ABCA7: variants seen among roughly 807,000 people sequenced by gnomAD.
ABCA7 encodes ATP binding cassette subfamily A member 7, also known as phospholipid-transporting ATPase ABCA7.
A neutral mutation model predicts 227.6 loss-of-function variants in ABCA7; 261 were observed. The ratio of observed to expected loss-of-function variants is 1.15; its 90% CI spans 1.04 to 1.27. The LOEUF (loss-of-function observed/expected upper bound fraction) is 1.27, where lower values mean the gene tolerates loss of function less well. Ranked by LOEUF, ABCA7 falls within the 50% of genes most tolerant of loss-of-function variation. The probability of loss-of-function intolerance (pLI) is 0.00; values close to 1 mark genes in which losing one functional copy is unlikely to be tolerated. For missense variants in ABCA7, 3,331 were observed against 2,924.5 expected (o/e 1.14, Z -3.21); for synonymous variants, 1,488 against 1,279.7 (o/e 1.16, Z -3.47).
At position 1,046,354 on chromosome 19, in the gene ABCA7, C is replaced by T. The variant is rs199519231; in HGVS notation, c.1570C>T (p.Arg524Trp). 6.9e-5 allele frequency: 110 copies of T among 1,597,438 alleles called. No individual in the cohort carries two copies. In the East Asian group the frequency reaches 1.8e-3, roughly 26 times the overall value. The change falls in exon 13 of 47, where the codon CGG (arginine) becomes TGG (tryptophan). Residue 524 changes from arginine (R) to tryptophan (W), a missense_variant. Physicochemically the swap from Arg to Trp is moderately radical, Grantham distance 101. Coordinates refer to ENST00000263094, the MANE Select transcript of ABCA7 (RefSeq NM_019112.4). ...CCGCGTGCTCAGCGGCGCCAACCCC[C>T]GGGCCGGCCTCTACCTGCAGCAGAT... ...AVRVLSGANP[R>W]AGLYLQQMPY... is the part of the protein sequence containing the mutation.
In ABCA7 at chr19:1,045,131, C is replaced by G. The variant is rs1414585253; in HGVS notation, c.1345C>G (p.Pro449Ala). The stretch of plus-strand genomic sequence containing the variant: ...CTTGGGACCTGAGGACTCTTCAGAC[C>G]CCACAGAGCACCCAACCCCAGACCT... The part of the protein sequence containing the change: ...VFLGPEDSSD[P>A]TEHPTPDLGP... The change falls in exon 12 of 47, where the codon CCC becomes GCC. Residue 449 changes from proline to alanine, a missense_variant. Transcript: ENST00000263094. 1 of 1,612,950 alleles carries G rather than the reference C, an allele frequency of 6.2e-7. No homozygotes were observed. Among genetic ancestry groups the G allele is most frequent in the Admixed American group, 1.7e-5 (1 of 60,012 alleles).
intron 15 of ABCA7, 26 bp downstream of exon 15, chr19:1,047,404 G>A (rs1372669286): frequency 1.3e-6 from 2 of 1,550,298 alleles, no homozygotes; most frequent in South Asian, 1.2e-5. Context: ...GGCGTGGATG[G>A]GGGACGCCCC....
Position 1,051,446 on chromosome 19 carries a change from C to A in ABCA7, c.2825-3C>A, listed in dbSNP as rs569792541. On this transcript the variant is annotated splice_region_variant and splice_polypyrimidine_tract_variant and intron_variant, in intron 20 of 46. Coordinates refer to ENST00000263094, the MANE Select transcript of ABCA7 (RefSeq NM_019112.4). ...ACTGAGGTCCCTTCCCCATCTCTAC[C>A]AGGTGGGATGCAACGGAAGCTGTCC... is the stretch of plus-strand genomic sequence containing the variant. 8 of 1,611,378 alleles carry A rather than the reference C, an allele frequency of 5.0e-6. No individual in the cohort carries two copies. In the Admixed American group the frequency reaches 1.2e-4, roughly 24 times the overall value.
At position 1,057,846 on chromosome 19, in the gene ABCA7, G is replaced by A; in HGVS notation, c.4881-69G>A. 3 of 1,562,248 alleles carry A rather than the reference G, an allele frequency of 1.9e-6. No homozygotes were observed. In the South Asian group the frequency reaches 3.5e-5, roughly 18 times the overall value. On this transcript the variant is annotated intron_variant, in intron 35 of 46. Coordinates refer to ENST00000263094, the MANE Select transcript of ABCA7 (RefSeq NM_019112.4). ...GTCTAAGGCAGAGAAGATGGGAATG[G>A]AGATTTTTATTCCTCTCAGGGCTTC...
intron 17 of ABCA7, 44 bp from the exon 18 acceptor site, chr19:1,049,222 G>A (rs770375555): frequency 5.8e-6 from 9 of 1,551,766 alleles, no homozygotes; most frequent in Middle Eastern, 1.8e-4. Flanking sequence ...GCAGGCCCCA[G>A]GACCCCCATG....
chr19:1,051,978 A>G lies in ABCA7; in HGVS notation c.2999A>G (p.Glu1000Gly). The change falls in exon 22 of 47, where the codon GAG (glutamate) becomes GGG (glycine). Residue 1000 changes from glutamate to glycine, a missense_variant. Physicochemically the swap from Glu to Gly is moderately conservative, Grantham distance 98. Coordinates refer to ENST00000263094, the MANE Select transcript of ABCA7 (RefSeq NM_019112.4). The part of the protein sequence containing the change: ...TLILSTHHLD[E>G]AELLGDRVAV... ...ATCCTCTCCACCCACCACCTGGATG[A>G]GGCAGAGCTGCTGGGAGACCGTGTG... The G allele has an allele frequency of 6.2e-7, 1 of 1,612,118 alleles. No homozygotes were observed. Among genetic ancestry groups the G allele is most frequent in the South Asian group, 1.1e-5 (1 of 91,060 alleles).
chr19:1,040,360 G>C (rs2144657012), intron 1 of ABCA7, among the ~76,000 whole-genome samples, 164 bp downstream of exon 1: 1 of 152,276 alleles, frequency 6.6e-6, no homozygotes, highest in Admixed American at 6.5e-5. Flanking sequence ...GGGGGGCATC[G>C]GACATCTGGG....
intron 21 of ABCA7, 100 bp from the exon 22 acceptor site, chr19:1,051,842 G>A (rs1280077655): frequency 6.8e-7 from 1 of 1,463,762 alleles, no homozygotes; most frequent in Non-Finnish European, 9.3e-7. Flanking sequence ...GGGATGAATA[G>A]GAGTTTGCTT....
chr19:1,060,938 CT>C (rs2042612756), intron 40 of ABCA7, among the ~76,000 whole-genome samples: 1 of 152,172 alleles, frequency 6.6e-6, no homozygotes, highest in African/African-American at 2.4e-5. Flanking sequence ...AGCTCATGCC[CT>C]GATATTTGTT....
intron 37 of ABCA7, 64 bp from the exon 38 acceptor site, chr19:1,058,554 G>C: frequency 6.3e-7 from 1 of 1,597,126 alleles, no homozygotes; most frequent in Non-Finnish European, 8.5e-7. Context: ...AGAGTGACAT[G>C]GATGGAGAAA....
chr19:1,051,940 A>T lies in ABCA7; in HGVS notation c.2963-2A>T, dbSNP rs1280722375. On this transcript the variant is annotated splice_acceptor_variant, in intron 21 of 46. Coordinates refer to ENST00000263094, the MANE Select transcript of ABCA7 (RefSeq NM_019112.4). LOFTEE classifies it high-confidence loss of function. ...AGTTGTGGGTTGGTCCCCCGTGCCTAGGTCGCACGCTGATCCTCTCCACCC... is the reference window on the plus strand; with the variant it reads ...AGTTGTGGGTTGGTCCCCCGTGCCTTGGTCGCACGCTGATCCTCTCCACCC... 5.6e-6 allele frequency: 9 copies of T among 1,610,738 alleles called. No individual in the cohort carries two copies. Among genetic ancestry groups the T allele is most frequent in the Non-Finnish European group, 6.8e-6 (8 of 1,179,536 alleles).
Position 1,056,168 on chromosome 19 carries a change from T to A in ABCA7, c.4341T>A (p.Pro1447=), listed in dbSNP as rs752890289. ...TGTGGGCGCTGCTGAGTCCCCTGCC[T>A]GGCGGGGCCCTCGACCGTGTCCTGA... The part of the protein sequence containing the change: ...EELWALLSPL[P]GGALDRVLKN... Residue 1447 remains proline, a synonymous_variant, in exon 32 of 47, where the codon CCT becomes CCA. Coordinates refer to ENST00000263094, the MANE Select transcript of ABCA7 (RefSeq NM_019112.4). The surrounding 1 kb of genome is among the most constrained non-coding windows in gnomAD (Gnocchi z 4.3). The A allele has an allele frequency of 2.5e-6, 4 of 1,608,858 alleles. No homozygotes were observed. Among genetic ancestry groups the A allele is most frequent in the Non-Finnish European group, 3.4e-6 (4 of 1,179,222 alleles).
At chr19:1,060,582 C>T (rs2042593178) in intron 40 of ABCA7, among the ~76,000 whole-genome samples, 2 of 143,684 alleles carry the variant, frequency 1.4e-5, no homozygotes, top group African/African-American at 5.2e-5. Context: ...TGCAGTGTCA[C>T]GATCTCGGCT....
At position 1,054,472 on chromosome 19, in the gene ABCA7, A is replaced by C. The variant is rs1599674192; in HGVS notation, c.3727-98A>C. 8 of 1,566,244 alleles carry C rather than the reference A, an allele frequency of 5.1e-6. No individual in the cohort carries two copies. The East Asian group carries it at 1.8e-4, about 35-fold the overall frequency. On this transcript the variant is annotated intron_variant, in intron 27 of 46. Transcript: ENST00000263094. This position sits in a 1 kb window ranked among gnomAD's most constrained non-coding sequence, Gnocchi z 4.8. The stretch of plus-strand genomic sequence containing the variant: ...AACCCAAAGCACATTTATTGAGGGC[A>C]CTGGGGAGCCATGGGTGGTTGTAGA...
chr19:1,050,948 C>G lies in ABCA7; in HGVS notation c.2580C>G (p.Pro860=). 1 of 1,611,016 alleles carries G rather than the reference C, an allele frequency of 6.2e-7. No homozygotes were observed. The highest frequency in any genetic ancestry group is 8.5e-7 in the Non-Finnish European group (1 of 1,178,924). ...TLSILSGLFP[P]SGGSAFILGH... ...CCATCTTGAGTGGCCTCTTCCCACC[C>G]AGTGGTGGCTCTGCCTTCATCCTGG... The change falls in exon 19 of 47, where the codon CCC becomes CCG. Residue 860 remains proline (P), a synonymous_variant. Transcript: ENST00000263094.
rs776412910 is a variant in ABCA7, at chr19:1,054,130, C to T, written c.3577+20C>T. ...AACCAGGTAAGTCCTTCCCAGTGGC[C>T]CTGGGGTCCTCCCAGCCACCCCCCC... On this transcript the variant is annotated intron_variant, in intron 26 of 46. Transcript: ENST00000263094. This position sits in a 1 kb window ranked among gnomAD's most constrained non-coding sequence, Gnocchi z 4.8. 1 of 1,612,748 alleles carries T rather than the reference C, an allele frequency of 6.2e-7. No homozygotes were observed. The highest frequency in any genetic ancestry group is 2.2e-5 in the East Asian group (1 of 44,862).
rs1201456955 is a variant in ABCA7, at chr19:1,059,014, C to G, written c.5401-9C>G. 6.2e-7 allele frequency: 1 copy of G among 1,613,954 alleles called. No individual in the cohort carries two copies. The highest frequency in any genetic ancestry group is 2.2e-5 in the East Asian group (1 of 44,872). The stretch of plus-strand genomic sequence containing the variant: ...CACTCACCTTTCTGAAAGACCTGCA[C>G]TCTCCCAGGTATACCGTGGGCAGAG... On this transcript the variant is annotated splice_polypyrimidine_tract_variant and intron_variant, in intron 39 of 46. Coordinates refer to ENST00000263094, the MANE Select transcript of ABCA7 (RefSeq NM_019112.4).
At chr19:1,057,777 G>GAA (rs4147943) in intron 35 of ABCA7, 138 bp from the exon 36 acceptor site, 5,487 of 962,060 alleles carry the variant, frequency 5.7e-3, no homozygotes, top group South Asian at 6.9e-3. Flanking sequence ...AAGAGAGAAA[G>GAA]AAAAAAAAAA....
At chr19:1,053,248 A>G in intron 23 of ABCA7, 81 bp from the exon 24 acceptor site, 2 of 1,421,228 alleles carry the variant, frequency 1.4e-6, no homozygotes, top group Non-Finnish European at 9.6e-7. Context: ...GTCCCCTCAC[A>G]GGTCACCAAT....
Sources: gnomAD v4.1 joint callset for allele counts (sites outside exome capture counted in the v4.1 genomes callset) on GRCh38, gnomAD v4.1.1 for gene constraint, Gnocchi (gnomAD v3.1) non-coding constraint, MANE v1.5 for transcripts, NCBI Gene and HGNC (gene_info 2026-07-23, HGNC 2026-07-21) for gene names.